APBB1IP: variants seen among roughly 807,000 people sequenced by gnomAD.
APBB1IP encodes amyloid beta precursor protein binding family B member 1 interacting protein, also known as amyloid beta A4 precursor protein-binding family B member 1-interacting protein.
Under a neutral mutation model 64.9 loss-of-function variants are expected in APBB1IP, and 27 were observed. That is an observed-to-expected ratio of 0.42 (90% CI 0.31 to 0.57). The LOEUF is 0.57. Among genes scored for constraint, APBB1IP ranks in the 20% least tolerant of loss-of-function variants. The pLI, the probability that APBB1IP is intolerant of heterozygous loss-of-function variation, is 0.20. For synonymous variants in APBB1IP, 392 were observed against 331.0 expected (o/e 1.18, Z -2.00); for missense variants, 812 against 845.5 (o/e 0.96, Z 0.49).
intron 6 of APBB1IP, among the ~76,000 whole-genome samples, chr10:26,510,808 A>C (rs1836248100): frequency 6.6e-6 from 1 of 151,584 alleles, no homozygotes; most frequent in African/African-American, 2.4e-5. Context: ...GTGCCTGCAA[A>C]ACAGCTTATT....
intron 2 of APBB1IP, among the ~76,000 whole-genome samples, chr10:26,448,152 A>ATTAC (rs59636619): frequency 0.99 from 150,000 of 151,952 alleles, 74,066 homozygotes; most frequent in East Asian, 1. Flanking sequence ...AAAATAATAT[A>ATTAC]TTAATTTTGA....
chr10:26,562,273 A>AGAT (rs1391432931), intron 13 of APBB1IP, 53 bp from the exon 14 acceptor site: 1 of 1,355,264 alleles, frequency 7.4e-7, no homozygotes, highest in Non-Finnish European at 1.1e-6. Context: ...TCGACTTTCA[A>AGAT]GAATGTTGAA....
At chr10:26,532,133 A>G (rs1282704113) in intron 8 of APBB1IP, among the ~76,000 whole-genome samples, 1 of 152,218 alleles carries the variant, frequency 6.6e-6, no homozygotes, top group Non-Finnish European at 1.5e-5. Context: ...TGGTGTAAAC[A>G]CTTGTGCCTA....
In APBB1IP at chr10:26,492,124, G is replaced by A. The variant is rs145290333; in HGVS notation, c.1-203G>A. ...CTGTGGCTCTGAGGCATTTCCCAAC[G>A]TTTGGCACAATCTTGGATCAAGCAG... On this transcript the variant is annotated intron_variant, in intron 2 of 14. Coordinates refer to ENST00000376236, the MANE Select transcript of APBB1IP (RefSeq NM_019043.4). Among the ~76,000 whole-genome samples, 904 of 152,212 alleles carry A rather than the reference G, an allele frequency of 5.9e-3. 3 individuals are homozygous for A. Among genetic ancestry groups the A allele is most frequent in the Non-Finnish European group, 9.8e-3 (669 of 68,012 alleles).
chr10:26,470,525 C>T (rs978277982), intron 2 of APBB1IP, among the ~76,000 whole-genome samples: 6 of 152,088 alleles, frequency 3.9e-5, no homozygotes, highest in South Asian at 2.1e-4. Context: ...GGCGACAGAG[C>T]GAGACTCCAT....
At chr10:26,543,673 A>G (rs1836726103) in intron 11 of APBB1IP, among the ~76,000 whole-genome samples, 1 of 152,108 alleles carries the variant, frequency 6.6e-6, no homozygotes, top group South Asian at 2.1e-4. Flanking sequence ...AAAGAACAAA[A>G]AAATATGCAA....
chr10:26,452,171 C>A (rs1392920261), intron 2 of APBB1IP, among the ~76,000 whole-genome samples: 1 of 151,694 alleles, frequency 6.6e-6, no homozygotes, highest in Non-Finnish European at 1.5e-5. Context: ...TGTGTTTATT[C>A]CTTTCCTAAA....
At chr10:26,471,215 C>T (rs916424140) in intron 2 of APBB1IP, among the ~76,000 whole-genome samples, 3 of 152,198 alleles carry the variant, frequency 2.0e-5, no homozygotes, top group Admixed American at 1.3e-4. Flanking sequence ...CATCATGTGG[C>T]TCAGTGGTCC....
chr10:26,456,292 T>C (rs938113422), intron 2 of APBB1IP, among the ~76,000 whole-genome samples: 5 of 152,156 alleles, frequency 3.3e-5, no homozygotes, highest in African/African-American at 1.2e-4. Flanking sequence ...CTAGGTGCAA[T>C]TTGCACTCTG....
chr10:26,567,148 TGCCGCCGCCGCC>T lies in APBB1IP; in HGVS notation c.1662_1673del (p.Pro559_Pro562del), dbSNP rs922799370. On this transcript the variant is annotated inframe_deletion, in exon 15 of 15. Coordinates refer to ENST00000376236, the MANE Select transcript of APBB1IP (RefSeq NM_019043.4). ...TTGCCCGCCCCACCCGACGACTTCC[TGCCGCCGCCGCC>T]ACCGCCGCCGCCCCTCGATGACCCT... 64 of 1,414,888 alleles carry T rather than the reference TGCCGCCGCCGCC, an allele frequency of 4.5e-5. No individual in the cohort carries two copies. The highest frequency in any genetic ancestry group is 5.3e-5 in the Non-Finnish European group (58 of 1,093,670). The allele number at this position is 1,414,888 out of a possible 1,614,324, so 87.6% of individuals were successfully genotyped here.
intron 3 of APBB1IP, among the ~76,000 whole-genome samples, chr10:26,495,641 C>A (rs138664222): frequency 6.7e-6 from 1 of 149,322 alleles, no homozygotes; most frequent in African/African-American, 2.5e-5. Context: ...AGGAAAGAGG[C>A]CCCTTTTAGT....
intron 12 of APBB1IP, among the ~76,000 whole-genome samples, chr10:26,560,522 G>A (rs564786280): frequency 6.6e-6 from 1 of 152,276 alleles, no homozygotes; most frequent in Non-Finnish European, 1.5e-5. Flanking sequence ...ATATGTAGGT[G>A]AAAAAATTAA....
In APBB1IP at chr10:26,519,046, G is replaced by A. The variant is rs370488283; in HGVS notation, c.813+5386G>A. Among the ~76,000 whole-genome samples, 26 of 151,974 alleles carry A rather than the reference G, an allele frequency of 1.7e-4. 2 individuals are homozygous for A. The South Asian group carries it at 2.1e-3, about 12-fold the overall frequency. On this transcript the variant is annotated intron_variant, in intron 8 of 14. Transcript: ENST00000376236. Reference sequence around the variant, plus strand: ...AGAGGTTTATTTGGGAGGCTGAGGCGGGTGGATCACCTAAGATCAGGAGTT... The same window carrying A: ...AGAGGTTTATTTGGGAGGCTGAGGCAGGTGGATCACCTAAGATCAGGAGTT...
chr10:26,474,786 T>C (rs187017882), intron 2 of APBB1IP, among the ~76,000 whole-genome samples: 1 of 152,370 alleles, frequency 6.6e-6, no homozygotes, highest in Admixed American at 6.5e-5. Context: ...TCTACATCAT[T>C]GCTCAAAATC....
In APBB1IP at chr10:26,492,406, TC is replaced by T. The variant is rs751337895; in HGVS notation, c.72+11del. On this transcript the variant is annotated intron_variant, in intron 3 of 14. Transcript: ENST00000376236. ...ATGGATCTTCTGACTCAGGTAAACT[TC>T]CCTTTTTAACTGGCAAATTGGAAAA... 9.3e-6 allele frequency: 15 copies of T among 1,613,292 alleles called. No individual in the cohort carries two copies. Among genetic ancestry groups the T allele is most frequent in the Non-Finnish European group, 1.2e-5 (14 of 1,179,610 alleles).
intron 2 of APBB1IP, among the ~76,000 whole-genome samples, chr10:26,459,074 T>G (rs905119850): frequency 2.0e-4 from 29 of 144,958 alleles, no homozygotes; most frequent in African/African-American, 7.1e-4. Flanking sequence ...TATCTCCTAA[T>G]GCTATCCCTC....
intron 9 of APBB1IP, among the ~76,000 whole-genome samples, chr10:26,534,227 G>A (rs1836590945): frequency 6.7e-6 from 1 of 149,616 alleles, no homozygotes; most frequent in Admixed American, 6.7e-5. Flanking sequence ...TCAGGAAGCT[G>A]AGGTGGGAGG....
chr10:26,545,441 A>G (rs1035593392), intron 11 of APBB1IP, among the ~76,000 whole-genome samples: 1 of 152,134 alleles, frequency 6.6e-6, no homozygotes, highest in East Asian at 1.9e-4. Context: ...CCTGGCCAAA[A>G]TGGTGAAACT....
intron 5 of APBB1IP, 120 bp downstream of exon 5, chr10:26,501,231 A>T: frequency 7.0e-7 from 1 of 1,437,086 alleles, no homozygotes; most frequent in East Asian, 2.3e-5. Flanking sequence ...ATACTAAAAA[A>T]CAAAGATACA....
Sources: allele counts gnomAD v4.1 joint callset (sites outside exome capture counted in the v4.1 genomes callset), GRCh38; gene constraint gnomAD v4.1.1; transcripts MANE v1.5; gene names NCBI Gene and HGNC (gene_info 2026-07-23, HGNC 2026-07-21).